The following ERGIC1 variants were observed in gnomAD, a reference collection of about 807,000 sequenced individuals.
ERGIC1 encodes endoplasmic reticulum-Golgi intermediate compartment protein 1.
ERGIC1 carries 19 observed loss-of-function variants against 38.3 expected under a neutral mutation model. The observed-to-expected ratio is 0.50, with a 90% CI of 0.35 to 0.73. The LOEUF (loss-of-function observed/expected upper bound fraction) is 0.73. Among genes scored for constraint, ERGIC1 ranks in the 30% least tolerant of loss-of-function variants. The probability of loss-of-function intolerance (pLI) is 0.01; values close to 1 mark genes in which losing one functional copy is unlikely to be tolerated. For missense variants in ERGIC1, 294 were observed against 389.2 expected (o/e 0.76, Z 2.06); for synonymous variants, 124 against 157.6 (o/e 0.79, Z 1.60).
chr5:172,934,983 G>A, intron 8 of ERGIC1: 2 of 628,260 alleles, frequency 3.2e-6, no homozygotes, highest in South Asian at 1.9e-5. Context: ...ACAACCAAGG[G>A]TATCAAAAAT....
intron 1 of ERGIC1, among the ~76,000 whole-genome samples, chr5:172,868,232 A>G (rs1761919963): frequency 6.6e-6 from 1 of 152,164 alleles, no homozygotes; most frequent in Non-Finnish European, 1.5e-5. Context: ...CAGATGTAAA[A>G]CACTGGCGGT....
At chr5:172,902,024 C>G (rs487684) in intron 3 of ERGIC1, among the ~76,000 whole-genome samples, 111,612 of 152,100 alleles carry the variant, frequency 0.73, 41,299 homozygotes, top group African/African-American at 0.83. Context: ...ACATGAAGCA[C>G]TAAGTGGTGT....
rs1763650264 is a variant in ERGIC1, at chr5:172,926,342, G to A, written c.481-167G>A. Among the ~76,000 whole-genome samples the A allele has an allele frequency of 1.3e-5, 2 of 152,192 alleles. No homozygotes were observed. The highest frequency in any genetic ancestry group is 2.9e-5 in the Non-Finnish European group (2 of 68,038). Reference sequence around the variant, plus strand: ...TGGGAAACAAGCTTGTGCCTACTATGTGCCAGGCCCCTGCTGCCTCTTGCT... The same window carrying A: ...TGGGAAACAAGCTTGTGCCTACTATATGCCAGGCCCCTGCTGCCTCTTGCT... On this transcript the variant is annotated intron_variant, in intron 6 of 9. Coordinates refer to ENST00000393784, the MANE Select transcript of ERGIC1 (RefSeq NM_001031711.3). This position sits in a 1 kb window ranked among gnomAD's most constrained non-coding sequence, Gnocchi z 5.2.
intron 2 of ERGIC1, 100 bp from the exon 3 acceptor site, chr5:172,896,902 C>T (rs961902022): frequency 3.0e-5 from 34 of 1,119,912 alleles, no homozygotes; most frequent in Non-Finnish European, 4.3e-5. Context: ...CACAGCCCCA[C>T]ACCCTTGTCC....
rs780361647 is a variant in ERGIC1, at chr5:172,897,443, A to AAAAAAAGAG, written c.155+370_155+371insAAAAAGAGA. The stretch of plus-strand genomic sequence containing the variant: ...GACCCTGTTTCAAAAAAAAAAAAAA[A>AAAAAAAGAG]AGAGAGAGAGAGGAGTCTTAAAAAG... On this transcript the variant is annotated intron_variant, in intron 3 of 9. Coordinates refer to ENST00000393784, the MANE Select transcript of ERGIC1 (RefSeq NM_001031711.3). Among the ~76,000 whole-genome samples the AAAAAAAGAG allele has an allele frequency of 8.2e-4, 117 of 142,424 alleles. 3 individuals carry two copies. The South Asian group carries it at 0.011, about 13-fold the overall frequency. 93.4% of individuals were successfully genotyped at this position (142,424 alleles called of 152,430 possible). A position where few individuals can be genotyped will look rare whatever the true frequency, so the allele number is the denominator to read the frequency against.
intron 9 of ERGIC1, among the ~76,000 whole-genome samples, chr5:172,947,099 A>C (rs1764138409): frequency 6.6e-6 from 1 of 151,152 alleles, no homozygotes; most frequent in Non-Finnish European, 1.5e-5. Flanking sequence ...CAGGAGAATC[A>C]CTTGAACTCA....
intron 3 of ERGIC1, among the ~76,000 whole-genome samples, chr5:172,908,313 G>T (rs1442790593): frequency 1.0e-3 from 5 of 4,786 alleles, no homozygotes; most frequent in Non-Finnish European, 2.6e-3. Context: ...GGGCGGGGGG[G>T]GGGGGAGAGA....
At chr5:172,911,198 T>G (rs1353984871) in intron 4 of ERGIC1, among the ~76,000 whole-genome samples, 3 of 152,236 alleles carry the variant, frequency 2.0e-5, no homozygotes, top group Non-Finnish European at 4.4e-5. Flanking sequence ...GTCTCAGCCC[T>G]GTCATTGCTT....
At chr5:172,838,442 A>G (rs1274252264) in intron 1 of ERGIC1, among the ~76,000 whole-genome samples, 1 of 151,496 alleles carries the variant, frequency 6.6e-6, no homozygotes, top group Non-Finnish European at 1.5e-5. Context: ...ACCATTTTTC[A>G]CTCTGGCCTT....
rs367683699 is a variant in ERGIC1, at chr5:172,932,444, T to C, written c.550T>C (p.Ser184Pro). The C allele has an allele frequency of 6.2e-7, 1 of 1,614,026 alleles. No homozygotes were observed. Among genetic ancestry groups the C allele is most frequent in the African/African-American group, 1.3e-5 (1 of 74,944 alleles). Residue 184 changes from serine to proline, a missense_variant, in exon 8 of 10, where the codon TCC becomes CCC. Around this residue, in one of 3 missense-constraint regions of ERGIC1, gnomAD observed 109 missense variants for 112.7 expected, o/e 0.97. Coordinates refer to ENST00000393784, the MANE Select transcript of ERGIC1 (RefSeq NM_001031711.3). ...CTGTGTCCTTCCCGCAGCCCTGGCC[T>C]CCCACGACTACATCCTGAAGATTGT... is the stretch of plus-strand genomic sequence containing the variant. Reference protein sequence around the residue: ...ADRLTSNPLASHDYILKIVPT... With the variant: ...ADRLTSNPLAPHDYILKIVPT...
At chr5:172,845,183 G>T (rs1305426696) in intron 1 of ERGIC1, among the ~76,000 whole-genome samples, 1 of 152,076 alleles carries the variant, frequency 6.6e-6, no homozygotes, top group African/African-American at 2.4e-5. Flanking sequence ...TGATTTTCTT[G>T]CAACCCCTCC....
intron 9 of ERGIC1, among the ~76,000 whole-genome samples, chr5:172,946,885 T>C (rs1366766069): frequency 6.6e-6 from 1 of 151,968 alleles, no homozygotes. Context: ...GCATTTTTTT[T>C]TTTTTTAAGT....
intron 1 of ERGIC1, chr5:172,867,129 G>A (rs1056085246): frequency 2.2e-6 from 1 of 450,006 alleles, no homozygotes; most frequent in African/African-American, 2.0e-5. Context: ...GGCTCTGCAA[G>A]CCAAGGGTTT....
At chr5:172,870,043 T>C (rs1009643150) in intron 1 of ERGIC1, among the ~76,000 whole-genome samples, 5 of 152,200 alleles carry the variant, frequency 3.3e-5, no homozygotes, top group Admixed American at 6.5e-5. Context: ...CTTCTGGCTC[T>C]ATAACTTTTA....
intron 3 of ERGIC1, among the ~76,000 whole-genome samples, chr5:172,908,084 T>C (rs1244001230): frequency 6.6e-6 from 1 of 151,494 alleles, no homozygotes. Context: ...CTGCCCCCTG[T>C]GATGTCTAGG....
intron 3 of ERGIC1, among the ~76,000 whole-genome samples, chr5:172,904,921 C>T (rs1762978806): frequency 6.6e-6 from 1 of 152,206 alleles, no homozygotes. Context: ...GCCAGAGCGC[C>T]TCAGGCCGTC....
Position 172,952,366 on chromosome 5 carries a change from T to G in ERGIC1, c.*1550T>G, listed in dbSNP as rs1440294312. Reference sequence around the variant, plus strand: ...GTTATTTCTGGTATCGGTGGCCACTTGGATGGATTTTTTTACATTCTGTTC... The same window carrying G: ...GTTATTTCTGGTATCGGTGGCCACTGGGATGGATTTTTTTACATTCTGTTC... On this transcript the variant is annotated 3_prime_UTR_variant, in exon 10 of 10. Transcript: ENST00000393784. 1 of 142,562 alleles carries G rather than the reference T, an allele frequency of 7.0e-6. No individual in the cohort carries two copies. Among genetic ancestry groups the G allele is most frequent in the Non-Finnish European group, 1.5e-5 (1 of 66,358 alleles). 8.8% of individuals were successfully genotyped at this position (142,562 alleles called of 1,614,324 possible). A position where few individuals can be genotyped will look rare whatever the true frequency, so the allele number is the denominator to read the frequency against.
intron 9 of ERGIC1, among the ~76,000 whole-genome samples, chr5:172,939,737 TG>T (rs1416562645): frequency 6.6e-6 from 1 of 152,214 alleles, no homozygotes; most frequent in African/African-American, 2.4e-5. Context: ...TTGGTTGCCA[TG>T]GTAACCGTGG....
chr5:172,930,999 A>C (rs1763764673), intron 7 of ERGIC1: 1 of 152,196 alleles, frequency 6.6e-6, no homozygotes, highest in East Asian at 1.9e-4. Flanking sequence ...TTCAAGAAGC[A>C]CTTCCTTTGC....
Sources: allele counts gnomAD v4.1 joint callset (sites outside exome capture counted in the v4.1 genomes callset), GRCh38; gene constraint gnomAD v4.1.1; regional missense constraint gnomAD v4.1.1; non-coding constraint Gnocchi (gnomAD v3.1); transcripts MANE v1.5; gene names NCBI Gene and HGNC (gene_info 2026-07-23, HGNC 2026-07-21).